The following DAB1 variants were observed in gnomAD, a reference collection of about 807,000 sequenced individuals.
DAB1 encodes the protein disabled homolog 1.
In DAB1, 15 loss-of-function variants were observed where a neutral mutation model predicts 64.6. That is an observed-to-expected ratio of 0.23 (90% CI 0.16 to 0.36). The LOEUF is 0.36. DAB1 is among the 10% of genes least tolerant of loss of function. The pLI is 1.00. For missense variants in DAB1, 596 were observed against 706.7 expected (o/e 0.84, Z 1.78); for synonymous variants, 235 against 251.9 (o/e 0.93, Z 0.64).
intron 5 of DAB1, among the ~76,000 whole-genome samples, chr1:57,973,079 G>A (rs1645837198): frequency 6.6e-6 from 1 of 152,222 alleles, no homozygotes; most frequent in African/African-American, 2.4e-5. Flanking sequence ...ACTAGTATGA[G>A]TTATCCATGC....
chr1:57,422,378 G>C (rs890669942), intron 1 of DAB1, among the ~76,000 whole-genome samples: 1 of 150,790 alleles, frequency 6.6e-6, no homozygotes, highest in African/African-American at 2.4e-5. Context: ...TCGCCCCCGG[G>C]CTCGCCCCCG....
At chr1:57,888,275 C>T (rs768219383), upstream of DAB1, among the ~76,000 whole-genome samples, 11 of 151,932 alleles carry the variant, frequency 7.2e-5, no homozygotes, top group African/African-American at 1.9e-4. Flanking sequence ...ACAAACATAC[C>T]GAGACAAGTC....
chr1:58,491,924 A>G (rs1416132398), intron 3 of DAB1, among the ~76,000 whole-genome samples: 1 of 152,206 alleles, frequency 6.6e-6, no homozygotes, highest in Non-Finnish European at 1.5e-5. Context: ...CCTAATAGAC[A>G]TCTACAGAAC....
At position 57,857,874 on chromosome 1, in the gene DAB1, G is replaced by GA. The variant is rs1245082848; in HGVS notation, n.87+26124dup. Among the ~76,000 whole-genome samples, 726 of 78,950 alleles carry GA rather than the reference G, an allele frequency of 9.2e-3. 6 individuals are homozygous for GA. The highest frequency in any genetic ancestry group is 0.028 in the African/African-American group (589 of 20,794). The allele number at this position is 78,950 out of a possible 152,430, so 51.8% of individuals were successfully genotyped here. A position where few individuals can be genotyped will look rare whatever the true frequency, so the allele number is the denominator to read the frequency against. The stretch of plus-strand genomic sequence containing the variant: ...CATACAAAAAAAAAAAAAGAAAAAA[G>GA]AAAAAAAAAAGACCTTAGAAGTAAT... On this transcript the variant is annotated intron_variant and non_coding_transcript_variant, in intron 1 of 1. Coordinates refer to the DAB1 transcript ENST00000477280.
chr1:57,775,218 TTTGGTTTTA>T (rs571502002), intron 6 of DAB1, among the ~76,000 whole-genome samples: 101 of 151,572 alleles, frequency 6.7e-4, no homozygotes, highest in South Asian at 3.3e-3. Flanking sequence ...AGAACCAATT[TTTGGTTTTA>T]TTGATTTTCT....
intron 5 of DAB1, among the ~76,000 whole-genome samples, chr1:58,000,924 A>C: frequency 6.7e-6 from 1 of 149,606 alleles, no homozygotes; most frequent in Non-Finnish European, 1.5e-5. Context: ...TCTCCTGTCA[A>C]TCTCTTTCTC....
Position 57,591,488 on chromosome 1 carries a change from T to C in DAB1, n.625+58104A>G, listed in dbSNP as rs112008571. On this transcript the variant is annotated intron_variant and non_coding_transcript_variant, in intron 7 of 20. Transcript: ENST00000485760. Reference sequence around the variant, plus strand: ...CCAAATCAATGTCATTTTAGGGAAGTTGACATTCTGACTGGGGTCAGTGTA... The same window carrying C: ...CCAAATCAATGTCATTTTAGGGAAGCTGACATTCTGACTGGGGTCAGTGTA... Among the ~76,000 whole-genome samples the C allele has an allele frequency of 1.4e-4, 22 of 152,306 alleles. 1 individual carries two copies. Among genetic ancestry groups the C allele is most frequent in the African/African-American group, 4.3e-4 (18 of 41,564 alleles).
chr1:57,211,861 A>G (rs1352291998), intron 2 of DAB1, among the ~76,000 whole-genome samples: 1 of 152,258 alleles, frequency 6.6e-6, no homozygotes, highest in Non-Finnish European at 1.5e-5. Flanking sequence ...GATGATTTAA[A>G]GAATATGGTA....
chr1:57,645,435 T>C (rs1313844208), intron 7 of DAB1, among the ~76,000 whole-genome samples: 1 of 152,172 alleles, frequency 6.6e-6, no homozygotes, highest in Non-Finnish European at 1.5e-5. Context: ...TCTCTGCCCC[T>C]AGGAATTTTC....
chr1:57,408,745 C>A (rs1405461109), intron 1 of DAB1, among the ~76,000 whole-genome samples: 3 of 152,174 alleles, frequency 2.0e-5, no homozygotes, highest in African/African-American at 7.2e-5. Flanking sequence ...CTGTAGCTCA[C>A]AATATTAACA....
Position 58,400,428 on chromosome 1 carries a change from C to T in DAB1, n.258-57025G>A, listed in dbSNP as rs542004977. On this transcript the variant is annotated intron_variant and non_coding_transcript_variant, in intron 3 of 20. Transcript: ENST00000485760. ...ATTCAAGGGTGGCTGTGGAGGGCAG[C>T]AGCCATCTAAGGGAGAGGAATAATC... is the stretch of plus-strand genomic sequence containing the variant. 5.9e-5 allele frequency among the ~76,000 whole-genome samples: 9 copies of T among 152,236 alleles called. No homozygotes were observed. In the South Asian group the frequency reaches 1.4e-3, roughly 25 times the overall value.
At chr1:57,737,551 C>A (rs576335273) in intron 6 of DAB1, among the ~76,000 whole-genome samples, 1 of 152,158 alleles carries the variant, frequency 6.6e-6, no homozygotes, top group African/African-American at 2.4e-5. Context: ...AGGAAAATGA[C>A]GGGCACGTAC....
At chr1:57,721,391 C>T (rs1394328137) in intron 6 of DAB1, among the ~76,000 whole-genome samples, 1 of 152,186 alleles carries the variant, frequency 6.6e-6, no homozygotes, top group African/African-American at 2.4e-5. Flanking sequence ...TACTCTGTGC[C>T]AGACTTAATT....
intron 5 of DAB1, among the ~76,000 whole-genome samples, chr1:58,127,172 C>G (rs2100685853): frequency 6.6e-6 from 1 of 151,928 alleles, no homozygotes; most frequent in East Asian, 1.9e-4. Flanking sequence ...GAGATGGTAT[C>G]TCATTGTGAT....
intron 5 of DAB1, among the ~76,000 whole-genome samples, chr1:58,057,677 C>T (rs1211889728): frequency 6.6e-6 from 1 of 152,208 alleles, no homozygotes. Context: ...GCTTTGCCGA[C>T]ACCTTGGTTT....
intron 2 of DAB1, among the ~76,000 whole-genome samples, chr1:57,210,890 A>G (rs1665949564): frequency 6.6e-6 from 1 of 152,240 alleles, no homozygotes; most frequent in African/African-American, 2.4e-5. Flanking sequence ...ATACACAAAT[A>G]ATACATTTTA....
chr1:57,378,165 AAAG>A (rs1419391514), intron 1 of DAB1, among the ~76,000 whole-genome samples: 1 of 152,132 alleles, frequency 6.6e-6, no homozygotes, highest in Admixed American at 6.6e-5. Context: ...GGGACAAACA[AAAG>A]ACGTCCAGCT....
At chr1:57,718,160 G>A (rs1647107092) in intron 6 of DAB1, among the ~76,000 whole-genome samples, 1 of 152,086 alleles carries the variant, frequency 6.6e-6, no homozygotes, top group Admixed American at 6.6e-5. Flanking sequence ...GATTTTGAAT[G>A]TTATCACCAC....
intron 14 of DAB1, among the ~76,000 whole-genome samples, chr1:56,999,230 C>G (rs1184319985): frequency 2.6e-5 from 4 of 152,220 alleles, no homozygotes; most frequent in Non-Finnish European, 1.5e-5. Context: ...TATCTCATCA[C>G]AACAGCCTTG....
Sources: gnomAD v4.1 joint callset for allele counts (sites outside exome capture counted in the v4.1 genomes callset) on GRCh38, gnomAD v4.1.1 for gene constraint, MANE v1.5 for transcripts, NCBI Gene and HGNC (gene_info 2026-07-23, HGNC 2026-07-21) for gene names.